ECSCR: variants seen among roughly 807,000 people sequenced by gnomAD.
The protein encoded by ECSCR is endothelial cell surface expressed chemotaxis and apoptosis regulator, also known as endothelial cell-specific chemotaxis regulator.
ECSCR carries 12 observed loss-of-function variants against 16.7 expected under a neutral mutation model. The observed-to-expected ratio is 0.72, with a 90% confidence interval of 0.46 to 1.17. ECSCR has a LOEUF of 1.17. Ranked by LOEUF, ECSCR falls within the 50% of genes most tolerant of loss-of-function variation. The pLI is 0.00. For missense variants in ECSCR, 122 were observed against 116.1 expected (o/e 1.05, Z -0.23); for synonymous variants, 44 against 42.2 (o/e 1.04, Z -0.17).
chr5:139,450,181 C>A (rs1751008373), intron 8 of ECSCR, among the ~76,000 whole-genome samples: 2 of 152,124 alleles, frequency 1.3e-5, no homozygotes. Flanking sequence ...GCATGAGCCA[C>A]CGCGCCTGGC....
chr5:139,461,235 G>A (rs185705226), intron 1 of ECSCR, among the ~76,000 whole-genome samples: 12 of 152,298 alleles, frequency 7.9e-5, no homozygotes, highest in Admixed American at 1.3e-4. Flanking sequence ...TGCATATGAA[G>A]CACTTAACGC....
chr5:139,456,958 G>A (rs1751170889), intron 4 of ECSCR, among the ~76,000 whole-genome samples: 1 of 152,214 alleles, frequency 6.6e-6, no homozygotes, highest in Non-Finnish European at 1.5e-5. Flanking sequence ...GCCCAACCAG[G>A]TCGGGGAGAG....
In ECSCR at chr5:139,454,929, C is replaced by G. The variant is rs2152089038; in HGVS notation, c.377-6G>C. 2.5e-6 allele frequency: 1 copy of G among 398,730 alleles called. No individual in the cohort carries two copies. The highest frequency in any genetic ancestry group is 1.3e-4 in the South Asian group (1 of 7,858). 24.7% of individuals were successfully genotyped at this position (398,730 alleles called of 1,614,324 possible). On this transcript the variant is annotated splice_region_variant and splice_polypyrimidine_tract_variant and intron_variant, in intron 6 of 9. Transcript: ENST00000618155. ...GACAATGAAGCTGATAACACCTGAA[C>G]AGAGAAAAGAATGGGGTGAAGGGGG...
chr5:139,458,249 C>G, intron 1 of ECSCR, 66 bp from the exon 2 acceptor site: 1 of 1,468,790 alleles, frequency 6.8e-7, no homozygotes, highest in Non-Finnish European at 9.3e-7. Flanking sequence ...TAGAAAGGAA[C>G]CCTTAGAATG....
At chr5:139,457,047 C>T (rs918621488) in intron 4 of ECSCR, among the ~76,000 whole-genome samples, 8 of 152,336 alleles carry the variant, frequency 5.3e-5, no homozygotes, top group South Asian at 2.1e-4. Context: ...TTGGAGCTGC[C>T]GTGAATGAGG....
intron 4 of ECSCR, among the ~76,000 whole-genome samples, chr5:139,456,933 C>T (rs1454676686): frequency 6.6e-6 from 1 of 152,242 alleles, no homozygotes; most frequent in Admixed American, 6.5e-5. Flanking sequence ...ACATCTGTGG[C>T]TTGGCCCAAG....
chr5:139,455,252 A>AACTTG (rs1751130503), intron 6 of ECSCR, 71 bp downstream of exon 6: 3 of 384,590 alleles, frequency 7.8e-6, no homozygotes, highest in Non-Finnish European at 9.0e-6. Flanking sequence ...CTTGCGTTTC[A>AACTTG]GACCCAGAGT....
At position 139,454,627 on chromosome 5, in the gene ECSCR, G is replaced by C. The variant is rs1024039753; in HGVS notation, c.487C>G (p.Pro163Ala). The change falls in exon 8 of 10, where the codon CCT becomes GCT. Residue 163 changes from proline (P) to alanine (A), a missense_variant. Pro to Ala is a conservative substitution (Grantham distance 27). Coordinates refer to ENST00000618155, the MANE Select transcript of ECSCR (RefSeq NM_001077693.4). ...KSKESEDPQK[P>A]GSSGLSESCS... is the part of the protein sequence containing the mutation. ...CTTTCAGACAGCCCTGAACTCCCAG[G>C]TTTCTGGGGATCTGTAAAAAGCCAA... The C allele has an allele frequency of 4.5e-5, 18 of 398,268 alleles. 1 individual carries two copies. Among genetic ancestry groups the C allele is most frequent in the Middle Eastern group, 6.3e-4 (1 of 1,588 alleles). 24.7% of individuals were successfully genotyped at this position (398,268 alleles called of 1,614,324 possible).
intron 1 of ECSCR, among the ~76,000 whole-genome samples, chr5:139,459,094 G>T (rs999366781): frequency 6.6e-6 from 1 of 152,124 alleles, no homozygotes; most frequent in South Asian, 2.1e-4. Flanking sequence ...TCAGGAGAAG[G>T]TTATTTTAAA....
chr5:139,455,047 A>T (rs1751126503), intron 6 of ECSCR, 124 bp from the exon 7 acceptor site: 1 of 394,236 alleles, frequency 2.5e-6, no homozygotes, highest in South Asian at 1.4e-4. Context: ...AGTGAGTTCC[A>T]CTTCTCTGCT....
At chr5:139,455,520 G>A in intron 5 of ECSCR, 84 bp from the exon 6 acceptor site, 1 of 392,450 alleles carries the variant, frequency 2.5e-6, no homozygotes, top group East Asian at 3.6e-5. Context: ...CTTCCCCCTA[G>A]GGAAGGACCA....
Position 139,455,313 on chromosome 5 carries a change from C to T in ECSCR, c.376+10G>A. On this transcript the variant is annotated intron_variant, in intron 6 of 9. Coordinates refer to ENST00000618155, the MANE Select transcript of ECSCR (RefSeq NM_001077693.4). ...TCCTCCTATGTCCCACCTTCTCCTT[C>T]CGGTCTCACCAAATGCAGCCACAGT... 1 of 398,620 alleles carries T rather than the reference C, an allele frequency of 2.5e-6. No individual in the cohort carries two copies. The highest frequency in any genetic ancestry group is 4.4e-6 in the Non-Finnish European group (1 of 226,104). The allele number at this position is 398,620 out of a possible 1,614,324, so 24.7% of individuals were successfully genotyped here. A position where few individuals can be genotyped will look rare whatever the true frequency, so the allele number is the denominator to read the frequency against.
chr5:139,451,825 G>A (rs1751057030), intron 8 of ECSCR, among the ~76,000 whole-genome samples: 1 of 149,498 alleles, frequency 6.7e-6, no homozygotes, highest in Non-Finnish European at 1.5e-5. Flanking sequence ...AGGGTATAGG[G>A]TATGGGGTGC....
At chr5:139,457,705 A>C (rs958804995) in intron 3 of ECSCR, 52 bp downstream of exon 3, 4 of 1,606,964 alleles carry the variant, frequency 2.5e-6, no homozygotes, top group Non-Finnish European at 2.6e-6. Context: ...AGCAGGTCTG[A>C]ATGAATGGGT....
chr5:139,448,687 C>T lies in ECSCR; in HGVS notation c.*213G>A. ...GAGGTGGGAGAAGCAGGCAGTATTT[C>T]CACAGCAGCTGTCCATACAGGAAAG... On this transcript the variant is annotated 3_prime_UTR_variant, in exon 10 of 10. Coordinates refer to ENST00000618155, the MANE Select transcript of ECSCR (RefSeq NM_001077693.4). The T allele has an allele frequency of 1.4e-6, 2 of 1,382,698 alleles. No homozygotes were observed. The highest frequency in any genetic ancestry group is 9.4e-7 in the Non-Finnish European group (1 of 1,067,240). 85.7% of individuals were successfully genotyped at this position (1,382,698 alleles called of 1,614,324 possible).
At chr5:139,459,998 G>A (rs1011404324) in intron 1 of ECSCR, among the ~76,000 whole-genome samples, 2 of 152,208 alleles carry the variant, frequency 1.3e-5, no homozygotes, top group Non-Finnish European at 2.9e-5. Context: ...CAAGAGGGGA[G>A]TCAAAATTTA....
chr5:139,454,823 A>G lies in ECSCR; in HGVS notation c.475+2T>C. 2.5e-6 allele frequency: 1 copy of G among 398,210 alleles called. No homozygotes were observed. Among genetic ancestry groups the G allele is most frequent in the Non-Finnish European group, 4.4e-6 (1 of 226,010 alleles). The allele number at this position is 398,210 out of a possible 1,614,324, so 24.7% of individuals were successfully genotyped here. ...AAAGATCCCCGAGGGCAGGGCACGCACCTTCAGACTCCTTGCTCTTCCGAC... is the reference window on the plus strand; with the variant it reads ...AAAGATCCCCGAGGGCAGGGCACGCGCCTTCAGACTCCTTGCTCTTCCGAC... On this transcript the variant is annotated splice_donor_variant, in intron 7 of 9. Coordinates refer to ENST00000618155, the MANE Select transcript of ECSCR (RefSeq NM_001077693.4). LOFTEE classifies it high-confidence loss of function.
At chr5:139,457,638 T>G (rs1581435946) in intron 3 of ECSCR, 34 bp from the exon 4 acceptor site, 1 of 1,090,014 alleles carries the variant, frequency 9.2e-7, no homozygotes, top group Non-Finnish European at 1.4e-6. Context: ...GAGTGGGAGG[T>G]GGGGTAGGTT....
chr5:139,457,999 C>A (rs1751197252), intron 2 of ECSCR, 140 bp downstream of exon 2: 2 of 1,167,198 alleles, frequency 1.7e-6, no homozygotes, highest in Non-Finnish European at 1.2e-6. Flanking sequence ...ATGAGCTCAG[C>A]CTTGGTGAGT....
Sources: gnomAD v4.1 joint callset for allele counts (sites outside exome capture counted in the v4.1 genomes callset) on GRCh38, gnomAD v4.1.1 for gene constraint, MANE v1.5 for transcripts, NCBI Gene and HGNC (gene_info 2026-07-23, HGNC 2026-07-21) for gene names.